PPA2: variants seen among roughly 807,000 people sequenced by gnomAD.
PPA2 encodes the protein inorganic pyrophosphatase 2, mitochondrial.
Under a neutral mutation model 49.5 loss-of-function variants are expected in PPA2, and 48 were observed. The ratio of observed to expected loss-of-function variants is 0.97; its 90% confidence interval spans 0.77 to 1.23. The LOEUF (loss-of-function observed/expected upper bound fraction) is 1.23, where lower values mean the gene tolerates loss of function less well. Ranked by LOEUF, PPA2 falls within the 50% of genes most tolerant of loss-of-function variation. The probability of loss-of-function intolerance (pLI) is 0.00; values close to 1 mark genes in which losing one functional copy is unlikely to be tolerated. For missense variants in PPA2, 429 were observed against 410.1 expected, an observed-to-expected ratio of 1.05 and a Z score of -0.40; for synonymous variants, 131 against 139.9, an observed-to-expected ratio of 0.94 and a Z score of 0.45.
chr4:105,380,476 G>A lies in PPA2; in HGVS notation c.939+6091C>T, dbSNP rs536064191. ...ATTAATTTTTTTAAATTGTTTTTCTGGGCATATAAATTTTTTAAATCACGA... is the reference window on the plus strand; with the variant it reads ...ATTAATTTTTTTAAATTGTTTTTCTAGGCATATAAATTTTTTAAATCACGA... On this transcript the variant is annotated intron_variant, in intron 10 of 11. Coordinates refer to ENST00000341695, the MANE Select transcript of PPA2 (RefSeq NM_176869.3). Among the ~76,000 whole-genome samples, 3 of 151,980 alleles carry A rather than the reference G, an allele frequency of 2.0e-5. No individual in the cohort carries two copies. In the South Asian group the frequency reaches 6.2e-4, roughly 32 times the overall value.
chr4:105,439,010 T>TA lies in PPA2; in HGVS notation c.442-975dup, dbSNP rs970996079. Among the ~76,000 whole-genome samples the TA allele has an allele frequency of 7.6e-4, 112 of 147,554 alleles. 1 individual carries two copies. Among genetic ancestry groups the TA allele is most frequent in the Admixed American group, 2.2e-3 (33 of 14,750 alleles). ...GAAATAACCTGGCCTAACTTTATCT[T>TA]AAAAAAAAAAATCAATAAATGAAGT... is the stretch of plus-strand genomic sequence containing the variant. On this transcript the variant is annotated intron_variant, in intron 5 of 11. Coordinates refer to ENST00000341695, the MANE Select transcript of PPA2 (RefSeq NM_176869.3).
chr4:105,434,005 T>A (rs1282449410), intron 6 of PPA2, among the ~76,000 whole-genome samples: 1 of 152,186 alleles, frequency 6.6e-6, no homozygotes, highest in Non-Finnish European at 1.5e-5. Flanking sequence ...TTTATTATTA[T>A]TTTTTTGAGA....
At chr4:105,404,392 A>C (rs1432321634) in intron 7 of PPA2, among the ~76,000 whole-genome samples, 1 of 152,164 alleles carries the variant, frequency 6.6e-6, no homozygotes, top group African/African-American at 2.4e-5. Context: ...AAAAAGTCTT[A>C]CTAAATAAAT....
In PPA2 at chr4:105,473,932, C is replaced by T. The variant is rs769803748; in HGVS notation, c.119G>A (p.Arg40His). The T allele has an allele frequency of 1.9e-6, 3 of 1,608,042 alleles. No homozygotes were observed. The highest frequency in any genetic ancestry group is 4.5e-5 in the East Asian group (2 of 44,694). ...RAMALYHTEERGQPCSQNYRL... is the reference protein window; with the variant it reads ...RAMALYHTEEHGQPCSQNYRL... ...GTAATTCTGCGAGCAGGGCTGGCCGCGCTCCTCAGTGTGGTACAGGGCCAT... is the reference window on the plus strand; with the variant it reads ...GTAATTCTGCGAGCAGGGCTGGCCGTGCTCCTCAGTGTGGTACAGGGCCAT... The change falls in exon 1 of 12, where the codon CGC becomes CAC. Residue 40 changes from arginine (R) to histidine (H), a missense_variant. Arg to His is a conservative substitution (Grantham distance 29). Coordinates refer to ENST00000341695, the MANE Select transcript of PPA2 (RefSeq NM_176869.3).
At chr4:105,405,685 G>A (rs895238397) in intron 7 of PPA2, 63 of 927,026 alleles carry the variant, frequency 6.8e-5, no homozygotes, top group African/African-American at 3.7e-4. Context: ...CACTAAATTC[G>A]TGTTTCAATG....
At chr4:105,372,496 G>T (rs1450839682) in intron 10 of PPA2, among the ~76,000 whole-genome samples, 3 of 152,146 alleles carry the variant, frequency 2.0e-5, no homozygotes, top group African/African-American at 4.8e-5. Flanking sequence ...TTTTAGATGA[G>T]ATTAACATTT....
At chr4:105,439,829 CT>C in intron 5 of PPA2, among the ~76,000 whole-genome samples, 1 of 107,778 alleles carries the variant, frequency 9.3e-6, no homozygotes, top group African/African-American at 3.6e-5. Context: ...AATGCTATCC[CT>C]CCCCCCTCCC....
intron 10 of PPA2, among the ~76,000 whole-genome samples, chr4:105,384,629 ATAAG>A (rs1270552514): frequency 6.6e-6 from 1 of 152,238 alleles, no homozygotes; most frequent in African/African-American, 2.4e-5. Context: ...TCATCCTTAA[ATAAG>A]TAATGAAAAC....
At chr4:105,434,815 G>A (rs1347726625) in intron 6 of PPA2, among the ~76,000 whole-genome samples, 1 of 152,130 alleles carries the variant, frequency 6.6e-6, no homozygotes, top group Admixed American at 6.5e-5. Flanking sequence ...GCAACAGAAA[G>A]GCACAGTTTT....
chr4:105,372,685 TG>T, intron 10 of PPA2, among the ~76,000 whole-genome samples: 1 of 152,322 alleles, frequency 6.6e-6, no homozygotes, highest in Non-Finnish European at 1.5e-5. Context: ...TCCAGGCTGC[TG>T]GCCTTCACAC....
chr4:105,402,605 A>T (rs1722263569), intron 7 of PPA2, among the ~76,000 whole-genome samples: 1 of 152,202 alleles, frequency 6.6e-6, no homozygotes, highest in African/African-American at 2.4e-5. Flanking sequence ...ACGATTAGAG[A>T]AGCAGTCACA....
chr4:105,419,373 G>C (rs935624936), intron 7 of PPA2, among the ~76,000 whole-genome samples: 2 of 152,006 alleles, frequency 1.3e-5, no homozygotes, highest in Admixed American at 6.6e-5. Flanking sequence ...TATTCTCACT[G>C]TTCAACTCCC....
At chr4:105,455,909 AG>A (rs1309498488) in intron 2 of PPA2, among the ~76,000 whole-genome samples, 1 of 152,234 alleles carries the variant, frequency 6.6e-6, no homozygotes, top group Non-Finnish European at 1.5e-5. Flanking sequence ...TTTACTTAAT[AG>A]TTGTACCCCC....
chr4:105,459,138 C>T (rs532711175), intron 1 of PPA2, among the ~76,000 whole-genome samples: 3 of 152,140 alleles, frequency 2.0e-5, no homozygotes, highest in African/African-American at 4.8e-5. Flanking sequence ...TATTTCCCCA[C>T]CCTAGCAACA....
chr4:105,410,969 G>A (rs1722726516), intron 7 of PPA2, among the ~76,000 whole-genome samples: 3 of 152,044 alleles, frequency 2.0e-5, no homozygotes, highest in South Asian at 2.1e-4. Flanking sequence ...CATGCCAAAT[G>A]GTAAAGACCA....
intron 7 of PPA2, among the ~76,000 whole-genome samples, chr4:105,409,263 A>G (rs1722634689): frequency 6.6e-6 from 1 of 152,242 alleles, no homozygotes. Context: ...TGTCTGGCTC[A>G]GCAGGTCCCA....
chr4:105,407,866 G>A (rs952073697), intron 7 of PPA2, among the ~76,000 whole-genome samples: 1 of 152,108 alleles, frequency 6.6e-6, no homozygotes, highest in Non-Finnish European at 1.5e-5. Flanking sequence ...ACTGCACAGG[G>A]GTATGTGGGA....
At chr4:105,417,107 T>A (rs1641348599) in intron 7 of PPA2, among the ~76,000 whole-genome samples, 1 of 152,316 alleles carries the variant, frequency 6.6e-6, no homozygotes, top group East Asian at 1.9e-4. Context: ...ATTTCTAATC[T>A]AATTTTGATT....
intron 3 of PPA2, among the ~76,000 whole-genome samples, chr4:105,451,046 G>A (rs544597192): frequency 8.5e-4 from 129 of 152,094 alleles, no homozygotes; most frequent in African/African-American, 3.0e-3. Context: ...TTTCGATCAT[G>A]CCACACATCA....
Sources: gnomAD v4.1 joint callset for allele counts (sites outside exome capture counted in the v4.1 genomes callset) on GRCh38, gnomAD v4.1.1 for gene constraint, MANE v1.5 for transcripts, NCBI Gene and HGNC (gene_info 2026-07-23, HGNC 2026-07-21) for gene names.